ERAP1: variants seen among roughly 807,000 people sequenced by gnomAD.
The protein encoded by ERAP1 is adipocyte-derived leucine aminopeptidase.
In ERAP1, 86 loss-of-function variants were observed where a neutral mutation model predicts 103.7. The observed-to-expected ratio is 0.83, with a 90% CI of 0.70 to 0.99. The LOEUF is 0.99. ERAP1 is among the 50% of genes least tolerant of loss of function. ERAP1 has a pLI of 0.00. For synonymous variants in ERAP1, 398 were observed against 402.4 expected, an observed-to-expected ratio of 0.99 and a Z score of 0.13; for missense variants, 1,009 against 1,128.4, an observed-to-expected ratio of 0.89 and a Z score of 1.52.
chr5:96,777,326 C>T (rs1774480464), intron 18 of ERAP1, among the ~76,000 whole-genome samples: 1 of 152,086 alleles, frequency 6.6e-6, no homozygotes. Context: ...AGCATTAATC[C>T]ATCAATTTTT....
At chr5:96,793,704 A>G in intron 6 of ERAP1, 99 bp downstream of exon 6, 1 of 1,281,890 alleles carries the variant, frequency 7.8e-7, no homozygotes, top group African/African-American at 1.5e-5. Flanking sequence ...TTCCTATTAA[A>G]AAAAGACAAA....
At chr5:96,813,383 G>A in the ERAP1 span, among the ~76,000 whole-genome samples, 26 of 152,132 alleles carry the variant, frequency 1.7e-4, no homozygotes, top group East Asian at 2.9e-3. Context: ...GGCCAGGCGC[G>A]GTGGCTCACG....
chr5:96,902,547 TC>T, the ERAP1 span: 1 of 506,348 alleles, frequency 2.0e-6, no homozygotes, highest in Non-Finnish European at 3.5e-6. Context: ...TGGGAAGTTC[TC>T]TTGCGCTTTT....
chr5:96,782,066 C>T (rs112684517), intron 15 of ERAP1, among the ~76,000 whole-genome samples: 2 of 149,600 alleles, frequency 1.3e-5, no homozygotes, highest in Non-Finnish European at 3.0e-5. Context: ...GCTGGAGTGC[C>T]GTGGCTCGAT....
At chr5:96,789,223 AT>A (rs1776443398) in intron 10 of ERAP1, among the ~76,000 whole-genome samples, 1 of 152,242 alleles carries the variant, frequency 6.6e-6, no homozygotes, top group Admixed American at 6.5e-5. Flanking sequence ...GCGGTGGCTC[AT>A]GCCTGTAATC....
At chr5:96,913,331 G>A in the ERAP1 span, 1 of 1,613,876 alleles carries the variant, frequency 6.2e-7, no homozygotes, top group Non-Finnish European at 8.5e-7. Context: ...ATTGAACTAG[G>A]AATGGAAGGA....
chr5:96,810,920 A>G (rs1169806548), upstream of ERAP1, among the ~76,000 whole-genome samples: 1 of 152,004 alleles, frequency 6.6e-6, no homozygotes, highest in Non-Finnish European at 1.5e-5. Flanking sequence ...CTCCTTTTTG[A>G]TGTAAAATCT....
At position 96,775,878 on chromosome 5, in the gene ERAP1, A is replaced by C. The variant is rs1225518037; in HGVS notation, c.*518T>G. 2 of 826,230 alleles carry C rather than the reference A, an allele frequency of 2.4e-6. No individual in the cohort carries two copies. The highest frequency in any genetic ancestry group is 3.7e-5 in the African/African-American group (2 of 54,132). The allele number at this position is 826,230 out of a possible 1,614,324, so 51.2% of individuals were successfully genotyped here. A position where few individuals can be genotyped will look rare whatever the true frequency, so the allele number is the denominator to read the frequency against. On this transcript the variant is annotated 3_prime_UTR_variant, in exon 19 of 19. Transcript: ENST00000443439. ...AACATCCAAAGGGCAAGAAAGCTTG[A>C]TGACTTGGCCTTTACAAGTCAGCCC...
At chr5:96,808,848 GA>G (rs1483523938), upstream of ERAP1, among the ~76,000 whole-genome samples, 2 of 152,258 alleles carry the variant, frequency 1.3e-5, no homozygotes, top group East Asian at 3.9e-4. Flanking sequence ...TCCCGATCCA[GA>G]CCCCAAGAGA....
the ERAP1 span, among the ~76,000 whole-genome samples, chr5:96,888,165 AAAG>A: frequency 3.0e-5 from 1 of 33,228 alleles, no homozygotes; most frequent in African/African-American, 1.6e-4. Flanking sequence ...AAAGAAAAAA[AAAG>A]AAAAATCTGT....
chr5:96,893,045 G>A, the ERAP1 span, among the ~76,000 whole-genome samples: 3 of 152,232 alleles, frequency 2.0e-5, no homozygotes, highest in East Asian at 5.8e-4. Context: ...CACATAGTAA[G>A]CACTCAATAA....
chr5:96,783,125 C>T lies in ERAP1; in HGVS notation c.2211G>A (p.Val737=). 1 of 1,614,140 alleles carries T rather than the reference C, an allele frequency of 6.2e-7. No homozygotes were observed. Among genetic ancestry groups the T allele is most frequent in the Non-Finnish European group, 8.5e-7 (1 of 1,180,040 alleles). Residue 737 remains valine (V), a synonymous_variant, in exon 15 of 19, where the codon GTG becomes GTA. Coordinates refer to ENST00000443439, the MANE Select transcript of ERAP1 (RefSeq NM_001040458.3). ...LRSQLLLLAC[V]HNYQPCVQRA... ...TCTGTACGCACGGCTGATAGTTGTG[C>T]ACACAGGCGAGGAGTAGTAGTTGAC...
intron 3 of ERAP1, among the ~76,000 whole-genome samples, chr5:96,798,329 A>G (rs986052345): frequency 6.6e-6 from 1 of 151,174 alleles, no homozygotes. Flanking sequence ...CATCTCAAAA[A>G]AAAAAAAAAA....
rs80088786 is a variant in ERAP1 at position 96,781,150 on chromosome 5, A to G, written c.2496T>C (p.Phe832=). Residue 832 remains phenylalanine (F), a synonymous_variant, in exon 17 of 19, where the codon TTT becomes TTC. Coordinates refer to ENST00000443439, the MANE Select transcript of ERAP1 (RefSeq NM_001040458.3). Reference sequence around the variant, plus strand: ...TGCCAATGAGTGTAAGAATTTGTGGAAACTCCTGAGTTTTTATTTTATCTC... The same window carrying G: ...TGCCAATGAGTGTAAGAATTTGTGGGAACTCCTGAGTTTTTATTTTATCTC... The part of the protein sequence containing the change: ...FKGDKIKTQE[F]PQILTLIGRN... 20,552 of 1,613,432 alleles carry G rather than the reference A, an allele frequency of 0.013. 166 individuals carry two copies. Among genetic ancestry groups the G allele is most frequent in the Non-Finnish European group, 0.014 (16,689 of 1,179,876 alleles).
intron 10 of ERAP1, 26 bp downstream of exon 10, chr5:96,790,270 G>T: frequency 6.2e-7 from 1 of 1,604,768 alleles, no homozygotes; most frequent in Non-Finnish European, 8.5e-7. Context: ...GTGCTTGGGG[G>T]AACATGTACA....
chr5:96,860,620 GT>G, the ERAP1 span, among the ~76,000 whole-genome samples: 1,178 of 152,190 alleles, frequency 7.7e-3, 18 homozygotes, highest in African/African-American at 0.027. Flanking sequence ...TTACTGTCTG[GT>G]AACCCAGTTG....
At chr5:96,870,947 C>T in the ERAP1 span, among the ~76,000 whole-genome samples, 1 of 152,176 alleles carries the variant, frequency 6.6e-6, no homozygotes, top group African/African-American at 2.4e-5. Flanking sequence ...GGCTTTGTTC[C>T]CACTAATCCT....
chr5:96,827,514 A>C, the ERAP1 span, among the ~76,000 whole-genome samples: 1 of 152,122 alleles, frequency 6.6e-6, no homozygotes, highest in African/African-American at 2.4e-5. Context: ...TACAAAAAAA[A>C]ATTAGCTGGG....
the ERAP1 span, among the ~76,000 whole-genome samples, chr5:96,922,276 C>T: frequency 6.6e-6 from 1 of 151,952 alleles, no homozygotes; most frequent in South Asian, 2.1e-4. Flanking sequence ...CCGGCCTGGG[C>T]GACAGAGAGA....
Sources: gnomAD v4.1 joint callset for allele counts (sites outside exome capture counted in the v4.1 genomes callset) on GRCh38, gnomAD v4.1.1 for gene constraint, MANE v1.5 for transcripts, NCBI Gene and HGNC (gene_info 2026-07-23, HGNC 2026-07-21) for gene names.